The following TACC2 variants were observed in gnomAD, a reference collection of about 807,000 sequenced individuals.
TACC2 encodes the protein transforming acidic coiled-coil containing protein 2.
TACC2 carries 137 observed loss-of-function variants against 227.3 expected under a neutral mutation model. The ratio of observed to expected loss-of-function variants is 0.60; its 90% CI spans 0.52 to 0.69. The LOEUF is 0.69. Ranked by LOEUF, TACC2 falls within the 30% of genes least tolerant of loss-of-function variation. TACC2 has a pLI of 0.00. For missense variants in TACC2, 3,470 were observed against 3,694.4 expected (o/e 0.94, Z 1.57); for synonymous variants, 1,523 against 1,487.5 (o/e 1.02, Z -0.55).
At chr10:122,025,636 C>T (rs1434186354) in intron 2 of TACC2, among the ~76,000 whole-genome samples, 4 of 134,342 alleles carry the variant, frequency 3.0e-5, no homozygotes, top group South Asian at 2.4e-4. Context: ...TGCAGTGGTG[C>T]GATCTTGGCT....
At chr10:122,158,681 C>A (rs1245163775) in intron 7 of TACC2, among the ~76,000 whole-genome samples, 1 of 152,154 alleles carries the variant, frequency 6.6e-6, no homozygotes, top group Non-Finnish European at 1.5e-5. Flanking sequence ...AAGGAGAGAA[C>A]AAGAGAACCT....
intron 5 of TACC2, among the ~76,000 whole-genome samples, chr10:122,122,704 C>A (rs534987454): frequency 1.5e-4 from 23 of 152,152 alleles, no homozygotes; most frequent in Admixed American, 1.2e-3. Context: ...CTCTTGGACG[C>A]GGGTCCCAGT....
chr10:122,037,147 G>A (rs1960669767), intron 2 of TACC2, among the ~76,000 whole-genome samples: 1 of 152,178 alleles, frequency 6.6e-6, no homozygotes, highest in South Asian at 2.1e-4. Context: ...TATGGTATAG[G>A]AATAGTGTAA....
intron 15 of TACC2, among the ~76,000 whole-genome samples, chr10:122,229,745 AAG>A: frequency 1.3e-5 from 2 of 152,172 alleles, no homozygotes; most frequent in Non-Finnish European, 2.9e-5. Flanking sequence ...CATTATTTAG[AAG>A]CATTGATAGC....
At chr10:122,067,714 C>G (rs2077541875) in intron 3 of TACC2, among the ~76,000 whole-genome samples, 1 of 152,078 alleles carries the variant, frequency 6.6e-6, no homozygotes, top group South Asian at 2.1e-4. Flanking sequence ...CCATGTTGGC[C>G]AGGCTGGTCT....
At chr10:122,112,184 T>C (rs1284317323) in intron 5 of TACC2, among the ~76,000 whole-genome samples, 1 of 152,186 alleles carries the variant, frequency 6.6e-6, no homozygotes, top group Non-Finnish European at 1.5e-5. Flanking sequence ...GCCTGCTGTC[T>C]ATATATAGTC....
At chr10:122,190,750 T>C (rs1017073444) in intron 7 of TACC2, among the ~76,000 whole-genome samples, 2 of 152,170 alleles carry the variant, frequency 1.3e-5, no homozygotes, top group Non-Finnish European at 2.9e-5. Context: ...TTCCCAGTGA[T>C]GTGCAGCGGG....
chr10:122,235,019 A>T (rs905928072), intron 16 of TACC2, among the ~76,000 whole-genome samples: 1 of 151,924 alleles, frequency 6.6e-6, no homozygotes. Context: ...ATTGCTCATT[A>T]AAAAAAACAC....
intron 1 of TACC2, among the ~76,000 whole-genome samples, chr10:122,012,755 A>T (rs1232082300): frequency 6.6e-6 from 1 of 152,124 alleles, no homozygotes; most frequent in Non-Finnish European, 1.5e-5. Context: ...CACAGAAGTG[A>T]ACCTCAGAGC....
chr10:122,142,285 G>T (rs536092039), intron 6 of TACC2, among the ~76,000 whole-genome samples: 2 of 152,232 alleles, frequency 1.3e-5, no homozygotes, highest in African/African-American at 4.8e-5. Context: ...GACACTTGGC[G>T]GTATCCCCTC....
intron 8 of TACC2, among the ~76,000 whole-genome samples, chr10:122,200,141 G>A (rs1323574430): frequency 6.6e-6 from 1 of 152,248 alleles, no homozygotes; most frequent in Non-Finnish European, 1.5e-5. Flanking sequence ...CAATGTGAGT[G>A]TTTCATGGGC....
Position 122,046,504 on chromosome 10 carries a change from A to T in TACC2, c.34-3934A>T, listed in dbSNP as rs181829762. 1.7e-3 allele frequency among the ~76,000 whole-genome samples: 264 copies of T among 151,970 alleles called. 1 individual carries two copies. Among genetic ancestry groups the T allele is most frequent in the African/African-American group, 5.9e-3 (246 of 41,546 alleles). ...ATAATAATAAAAATAAATAATAATT[A>T]AAAAAAGAAAAAAAGAAAGAGAAGT... On this transcript the variant is annotated intron_variant, in intron 2 of 22. Transcript: ENST00000369005.
In TACC2 at chr10:122,210,472, C is replaced by A; in HGVS notation, c.6047C>A (p.Pro2016Gln). Residue 2016 changes from proline (P) to glutamine (Q), a missense_variant, in exon 9 of 23, where the codon CCG becomes CAG. Around this residue, in one of 10 missense-constraint regions of TACC2, gnomAD observed 593 missense variants for 636.6 expected, o/e 0.93. Transcript: ENST00000369005. This position sits in a 1 kb window ranked among gnomAD's most constrained non-coding sequence, Gnocchi z 4.6. ...DSVEGSPFRP[P>Q]SHSFSAVFDE... ...GTGGAAGGAAGTCCCTTCCGTCCCC[C>A]GTCACACTCCTTCTCTGCCGTCTTC... 1.2e-6 allele frequency: 2 copies of A among 1,614,034 alleles called. No homozygotes were observed. Among genetic ancestry groups the A allele is most frequent in the South Asian group, 2.2e-5 (2 of 91,034 alleles).
intron 7 of TACC2, chr10:122,192,332 C>A: frequency 4.1e-6 from 1 of 245,100 alleles, no homozygotes; most frequent in Admixed American, 4.7e-5. Context: ...GTTGCTGCAG[C>A]GGAGAACTCA....
At chr10:122,068,659 C>G (rs1272830850) in intron 3 of TACC2, among the ~76,000 whole-genome samples, 2 of 106,472 alleles carry the variant, frequency 1.9e-5, no homozygotes, top group Non-Finnish European at 3.9e-5. Context: ...GTGAGGATTG[C>G]TCCTCCGAAA....
At chr10:122,038,451 G>T (rs2073845666) in intron 2 of TACC2, among the ~76,000 whole-genome samples, 1 of 152,222 alleles carries the variant, frequency 6.6e-6, no homozygotes, top group African/African-American at 2.4e-5. Flanking sequence ...ATGCACAGCA[G>T]GTGGGGAGGG....
chr10:121,994,519 C>G (rs898550398), intron 1 of TACC2: 1 of 152,304 alleles, frequency 6.6e-6, no homozygotes, highest in Non-Finnish European at 1.5e-5. Flanking sequence ...TGGCCTGGGT[C>G]AGATTGCTTA....
At chr10:122,058,191 C>T (rs534794172) in intron 3 of TACC2, among the ~76,000 whole-genome samples, 11 of 152,268 alleles carry the variant, frequency 7.2e-5, no homozygotes, top group African/African-American at 2.4e-4. Flanking sequence ...GTAACATGTC[C>T]ATTTGCTTAC....
chr10:122,195,568 C>T (rs985548386), intron 8 of TACC2, among the ~76,000 whole-genome samples: 6 of 152,018 alleles, frequency 3.9e-5, no homozygotes, highest in Admixed American at 2.0e-4. Flanking sequence ...AGTCAGTGGG[C>T]GGGGATAGAG....
Sources: allele counts gnomAD v4.1 joint callset (sites outside exome capture counted in the v4.1 genomes callset), GRCh38; gene constraint gnomAD v4.1.1; regional missense constraint gnomAD v4.1.1; non-coding constraint Gnocchi (gnomAD v3.1); transcripts MANE v1.5; gene names NCBI Gene and HGNC (gene_info 2026-07-23, HGNC 2026-07-21).